BTG4: variants seen among roughly 807,000 people sequenced by gnomAD.
The protein encoded by BTG4 is protein BTG4.
Under a neutral mutation model 19.3 loss-of-function variants are expected in BTG4, and 10 were observed. The ratio of observed to expected loss-of-function variants is 0.52; its 90% CI spans 0.32 to 0.88. BTG4 has a LOEUF of 0.88. BTG4 is among the 40% of genes least tolerant of loss of function. The pLI is 0.04. For missense variants in BTG4, 238 were observed against 281.9 expected (o/e 0.84, Z 1.11); for synonymous variants, 91 against 95.7 (o/e 0.95, Z 0.29).
the BTG4 span, among the ~76,000 whole-genome samples, chr11:111,461,064 G>C: frequency 6.6e-6 from 1 of 152,254 alleles, no homozygotes; most frequent in East Asian, 1.9e-4. Flanking sequence ...AGGATGGATG[G>C]GAGTGGGGCC....
chr11:111,461,021 C>T, the BTG4 span, among the ~76,000 whole-genome samples: 3 of 152,070 alleles, frequency 2.0e-5, no homozygotes, highest in Admixed American at 6.5e-5. Flanking sequence ...GTACAGTCAG[C>T]GTTCTAGAAA....
chr11:111,427,957 G>A, the BTG4 span, among the ~76,000 whole-genome samples: 3 of 152,140 alleles, frequency 2.0e-5, no homozygotes, highest in African/African-American at 7.2e-5. Context: ...ACAGCTCTGT[G>A]GGGAGGCAGC....
At chr11:111,414,017 C>T in the BTG4 span, among the ~76,000 whole-genome samples, 2 of 152,166 alleles carry the variant, frequency 1.3e-5, no homozygotes, top group African/African-American at 2.4e-5. Context: ...CTGACTGTTC[C>T]GTTCATTCAG....
the BTG4 span, among the ~76,000 whole-genome samples, chr11:111,424,494 A>G: frequency 1.5e-4 from 23 of 152,366 alleles, no homozygotes; most frequent in African/African-American, 5.5e-4. Context: ...GTTCACATTT[A>G]TTACAGTTGG....
At chr11:111,418,546 C>A in the BTG4 span, among the ~76,000 whole-genome samples, 1 of 152,200 alleles carries the variant, frequency 6.6e-6, no homozygotes, top group East Asian at 1.9e-4. Flanking sequence ...ATGTGAGCTT[C>A]CAGAGGGCGG....
the BTG4 span, among the ~76,000 whole-genome samples, chr11:111,393,108 A>G: frequency 6.6e-6 from 1 of 152,170 alleles, no homozygotes; most frequent in East Asian, 1.9e-4. Flanking sequence ...AATGAGTGCA[A>G]AGATTGCTAG....
the BTG4 span, among the ~76,000 whole-genome samples, chr11:111,409,817 T>C: frequency 6.6e-6 from 1 of 151,652 alleles, no homozygotes; most frequent in Admixed American, 6.6e-5. Flanking sequence ...TGTGCTATAG[T>C]AGGAAAAAAA....
the BTG4 span, chr11:111,386,294 T>C: frequency 7.2e-5 from 11 of 152,202 alleles, no homozygotes; most frequent in Non-Finnish European, 1.3e-4. Context: ...GCTTTAGGGC[T>C]ATAACAATGA....
the BTG4 span, among the ~76,000 whole-genome samples, chr11:111,436,866 G>A: frequency 3.9e-5 from 6 of 152,106 alleles, no homozygotes; most frequent in East Asian, 1.9e-4. Flanking sequence ...GTTGGCTCGC[G>A]TGTGGGTGTT....
rs1470768430 is a variant in BTG4 at position 111,498,845 on chromosome 11, TTTAAC to T, written c.-26-48_-26-44del. 5 of 1,346,914 alleles carry T rather than the reference TTTAAC, an allele frequency of 3.7e-6. No homozygotes were observed. The African/African-American group carries it at 7.5e-5, about 20-fold the overall frequency. The allele number at this position is 1,346,914 out of a possible 1,614,324, so 83.4% of individuals were successfully genotyped here. ...AGCAAGAAGAAATAGAAAGAAATGG[TTTAAC>T]TTATTATCAATATTTAACTGCCATT... On this transcript the variant is annotated intron_variant, in intron 1 of 4. Coordinates refer to ENST00000692032, the MANE Select transcript of BTG4 (RefSeq NM_001367975.1).
chr11:111,469,892 G>A (rs915694725), intron 5 of BTG4: 4 of 152,648 alleles, frequency 2.6e-5, no homozygotes, highest in Non-Finnish European at 5.9e-5. Flanking sequence ...CCTGCTGGAA[G>A]AGCAGCCCAT....
the BTG4 span, among the ~76,000 whole-genome samples, chr11:111,418,791 G>A: frequency 4.6e-5 from 7 of 152,310 alleles, no homozygotes; most frequent in African/African-American, 9.6e-5. Context: ...CTAAGCCACC[G>A]TTCTCTTGGC....
intron 1 of BTG4, among the ~76,000 whole-genome samples, chr11:111,509,308 A>G (rs1005170142): frequency 1.3e-4 from 20 of 152,228 alleles, no homozygotes; most frequent in Non-Finnish European, 1.5e-5. Flanking sequence ...TTCTAGGTAT[A>G]CTATCAAGAA....
intron 1 of BTG4, among the ~76,000 whole-genome samples, chr11:111,501,210 T>C (rs1463732137): frequency 6.6e-6 from 1 of 151,866 alleles, no homozygotes; most frequent in Non-Finnish European, 1.5e-5. Flanking sequence ...CTACAAAAAT[T>C]TTAAAAGTCA....
At chr11:111,435,912 C>T in the BTG4 span, among the ~76,000 whole-genome samples, 4 of 152,330 alleles carry the variant, frequency 2.6e-5, no homozygotes, top group African/African-American at 7.2e-5. Flanking sequence ...ACAAGCTGCA[C>T]GATTTCCCAA....
At chr11:111,459,235 G>A in the BTG4 span, among the ~76,000 whole-genome samples, 247 of 149,512 alleles carry the variant, frequency 1.7e-3, 2 homozygotes, top group African/African-American at 6.0e-3. Context: ...GTGAGATTCC[G>A]TCTCAAAAAA....
chr11:111,413,361 C>CA, the BTG4 span, among the ~76,000 whole-genome samples: 3 of 152,242 alleles, frequency 2.0e-5, no homozygotes, highest in Non-Finnish European at 4.4e-5. Context: ...TTCACAAGCT[C>CA]CTCAGGTGAT....
chr11:111,403,111 G>A, the BTG4 span, among the ~76,000 whole-genome samples: 5,042 of 152,256 alleles, frequency 0.033, 117 homozygotes, highest in Middle Eastern at 0.14. Context: ...CTGCTCCAGT[G>A]GTATTTATGC....
Position 111,468,132 on chromosome 11 carries a change from G to A in BTG4, c.663-451C>T, listed in dbSNP as rs142029972. On this transcript the variant is annotated intron_variant, in intron 5 of 5. Transcript: ENST00000356018. ...AGAAACTGCTCATCGATACTGGAGGGTTAGAAAAAGGTTTATACTTGACTA... is the reference window on the plus strand; with the variant it reads ...AGAAACTGCTCATCGATACTGGAGGATTAGAAAAAGGTTTATACTTGACTA... 5.0e-3 allele frequency among the ~76,000 whole-genome samples: 754 copies of A among 152,308 alleles called. 3 individuals carry two copies. Among genetic ancestry groups the A allele is most frequent in the African/African-American group, 0.017 (709 of 41,570 alleles).
Sources: gnomAD v4.1 joint callset for allele counts (sites outside exome capture counted in the v4.1 genomes callset) on GRCh38, gnomAD v4.1.1 for gene constraint, MANE v1.5 for transcripts, NCBI Gene and HGNC (gene_info 2026-07-23, HGNC 2026-07-21) for gene names.